Variants in ACTN4 observed in about 807,000 individuals in gnomAD.
ACTN4 encodes actinin alpha 4, also known as alpha-actinin-4.
In ACTN4, 18 loss-of-function variants were observed where a neutral mutation model predicts 114.2. The observed-to-expected ratio is 0.16, with a 90% CI of 0.11 to 0.23. The LOEUF (loss-of-function observed/expected upper bound fraction) is 0.23, where lower values mean the gene tolerates loss of function less well. Ranked by LOEUF, ACTN4 falls within the 10% of genes least tolerant of loss-of-function variation. The pLI, the probability that ACTN4 is intolerant of heterozygous loss-of-function variation, is 1.00. For missense variants in ACTN4, 722 were observed against 1,262.9 expected, an observed-to-expected ratio of 0.57 and a Z score of 6.49; for synonymous variants, 515 against 506.3, an observed-to-expected ratio of 1.02 and a Z score of -0.23.
At chr19:38,721,109 A>G (rs1969024558) in intron 11 of ACTN4, among the ~76,000 whole-genome samples, 1 of 152,210 alleles carries the variant, frequency 6.6e-6, no homozygotes, top group Non-Finnish European at 1.5e-5. Context: ...GGGTCCTAGA[A>G]GAAGCTGGCT....
chr19:38,722,703 C>G (rs560613067), intron 12 of ACTN4, among the ~76,000 whole-genome samples: 1 of 152,310 alleles, frequency 6.6e-6, no homozygotes, highest in South Asian at 2.1e-4. Context: ...GCAGCACCCT[C>G]GGGGGTGTGG....
At chr19:38,675,093 A>G (rs930174311) in intron 1 of ACTN4, among the ~76,000 whole-genome samples, 1 of 152,186 alleles carries the variant, frequency 6.6e-6, no homozygotes, top group Non-Finnish European at 1.5e-5. Context: ...GCTTGATCTC[A>G]AAGAACAGGT....
intron 9 of ACTN4, among the ~76,000 whole-genome samples, chr19:38,715,476 A>G (rs1413130280): frequency 1.3e-5 from 2 of 152,322 alleles, no homozygotes; most frequent in Admixed American, 6.5e-5. Context: ...TAGCCTAGCG[A>G]CAGAGCAAGA....
intron 19 of ACTN4, 58 bp downstream of exon 19, chr19:38,728,084 C>T (rs1969304919): frequency 6.6e-7 from 1 of 1,523,042 alleles, no homozygotes; most frequent in South Asian, 1.2e-5. Flanking sequence ...TCTCTCTCTC[C>T]TTCTCTCTTT....
At chr19:38,665,715 T>C (rs963610355) in intron 1 of ACTN4, among the ~76,000 whole-genome samples, 3 of 152,206 alleles carry the variant, frequency 2.0e-5, no homozygotes, top group African/African-American at 7.2e-5. Flanking sequence ...AGGTGGCTTC[T>C]TGTTTCAGAG....
intron 1 of ACTN4, among the ~76,000 whole-genome samples, chr19:38,699,862 C>T (rs1038903683): frequency 1.3e-5 from 2 of 152,164 alleles, no homozygotes; most frequent in Non-Finnish European, 2.9e-5. Context: ...GCGACACAGG[C>T]GTGTGTGCAG....
At chr19:38,694,351 C>T (rs1311599364) in intron 1 of ACTN4, among the ~76,000 whole-genome samples, 1 of 151,834 alleles carries the variant, frequency 6.6e-6, no homozygotes, top group African/African-American at 2.4e-5. Flanking sequence ...CCTCTACCTC[C>T]CAGGTTCAAG....
rs1257895675 is a variant in ACTN4 at position 38,729,677 on chromosome 19, A to ATGTGT, written c.*250_*254dup. 1 of 690,422 alleles carries ATGTGT rather than the reference A, an allele frequency of 1.4e-6. No individual in the cohort carries two copies. Among genetic ancestry groups the ATGTGT allele is most frequent in the Non-Finnish European group, 2.6e-6 (1 of 381,290 alleles). 42.8% of individuals were successfully genotyped at this position (690,422 alleles called of 1,614,324 possible). A position where few individuals can be genotyped will look rare whatever the true frequency, so the allele number is the denominator to read the frequency against. ...GCTTCTGGTCTGGTAAATATGTATGATGTGTTGTGCTTTTTTAACCAAGGA... is the reference window on the plus strand; with the variant it reads ...GCTTCTGGTCTGGTAAATATGTATGATGTGTTGTGTTGTGCTTTTTTAACCAAGGA... On this transcript the variant is annotated 3_prime_UTR_variant, in exon 21 of 21. Transcript: ENST00000252699.
chr19:38,686,965 C>CTT lies in ACTN4; in HGVS notation c.163-13620_163-13619dup, dbSNP rs34122839. On this transcript the variant is annotated intron_variant, in intron 1 of 20. Coordinates refer to ENST00000252699, the MANE Select transcript of ACTN4 (RefSeq NM_004924.6). ...TCTAACAAATCTGGTGGCAGAGTCT[C>CTT]TTTTTTTTTTTTTTTTGAGACAGAG... Among the ~76,000 whole-genome samples the CTT allele has an allele frequency of 9.1e-4, 126 of 138,102 alleles. 1 individual carries two copies. The highest frequency in any genetic ancestry group is 3.6e-3 in the Middle Eastern group (1 of 278). The allele number at this position is 138,102 out of a possible 152,430, so 90.6% of individuals were successfully genotyped here. A position where few individuals can be genotyped will look rare whatever the true frequency, so the allele number is the denominator to read the frequency against.
intron 1 of ACTN4, among the ~76,000 whole-genome samples, chr19:38,676,396 T>A (rs1273439516): frequency 6.6e-6 from 1 of 152,182 alleles, no homozygotes; most frequent in Non-Finnish European, 1.5e-5. Context: ...CTTTGTGGTT[T>A]AGGGGCTGAC....
At chr19:38,673,938 C>T (rs1382994341) in intron 1 of ACTN4, among the ~76,000 whole-genome samples, 2 of 150,334 alleles carry the variant, frequency 1.3e-5, no homozygotes, top group East Asian at 1.9e-4. Context: ...CCTGCCACCA[C>T]GTCCGGCTAA....
At chr19:38,648,015 G>T (rs369890154) in intron 1 of ACTN4, 108 bp downstream of exon 1, 3 of 1,285,888 alleles carry the variant, frequency 2.3e-6, no homozygotes, top group East Asian at 6.2e-5. Context: ...GGAACGGGGG[G>T]GTCCCGAGAA....
rs545955455 is a variant in ACTN4 at position 38,731,146 on chromosome 19, G to A, written c.*1714G>A. ...AGGTGGGCCACACAGGACACGAACC[G>A]CTCGAAGTCCACACGCAGACGGCTA... On this transcript the variant is annotated 3_prime_UTR_variant, in exon 21 of 21. Transcript: ENST00000252699. The A allele has an allele frequency of 1.4e-5, 22 of 1,612,936 alleles. No individual in the cohort carries two copies. Among genetic ancestry groups the A allele is most frequent in the Middle Eastern group, 1.7e-4 (1 of 6,048 alleles).
In ACTN4 at chr19:38,655,853, T is replaced by C. The variant is rs193206310; in HGVS notation, c.162+7946T>C. ...ACTATGCACATCCTCCTGAATACTTTAAATCATCTCTAGATTACTTATAAC... is the reference window on the plus strand; with the variant it reads ...ACTATGCACATCCTCCTGAATACTTCAAATCATCTCTAGATTACTTATAAC... On this transcript the variant is annotated intron_variant, in intron 1 of 20. Coordinates refer to ENST00000252699, the MANE Select transcript of ACTN4 (RefSeq NM_004924.6). Among the ~76,000 whole-genome samples, 235 of 152,358 alleles carry C rather than the reference T, an allele frequency of 1.5e-3. 1 individual carries two copies. The highest frequency in any genetic ancestry group is 5.6e-3 in the African/African-American group (231 of 41,588).
At chr19:38,687,472 C>T (rs969468504) in intron 1 of ACTN4, among the ~76,000 whole-genome samples, 1 of 152,150 alleles carries the variant, frequency 6.6e-6, no homozygotes, top group Admixed American at 6.5e-5. Context: ...CTCCCAGGTC[C>T]CATACATCTA....
At position 38,730,766 on chromosome 19, in the gene ACTN4, AG is replaced by A. The variant is rs1969522446; in HGVS notation, c.*1335del. The A allele has an allele frequency of 2.0e-6, 3 of 1,474,940 alleles. No individual in the cohort carries two copies. The African/African-American group carries it at 4.2e-5, about 21-fold the overall frequency. The allele number at this position is 1,474,940 out of a possible 1,614,324, so 91.4% of individuals were successfully genotyped here. On this transcript the variant is annotated 3_prime_UTR_variant, in exon 21 of 21. Transcript: ENST00000252699. ...CCCCAGACAGGTGGATGCCAGAGAGAGTGGCACCCATGCCAGGCAAGGCCTA... is the reference window on the plus strand; with the variant it reads ...CCCCAGACAGGTGGATGCCAGAGAGATGGCACCCATGCCAGGCAAGGCCTA...
chr19:38,656,064 G>T (rs1976702959), intron 1 of ACTN4, among the ~76,000 whole-genome samples: 1 of 152,066 alleles, frequency 6.6e-6, no homozygotes, highest in Non-Finnish European at 1.5e-5. Flanking sequence ...AAGAAATGTG[G>T]GTTTATCATT....
At chr19:38,678,645 G>T (rs541886414) in intron 1 of ACTN4, among the ~76,000 whole-genome samples, 2 of 152,304 alleles carry the variant, frequency 1.3e-5, no homozygotes, top group South Asian at 4.1e-4. Flanking sequence ...CGGGCCATGG[G>T]ACCCAGGGCG....
At chr19:38,714,748 G>T (rs898686861) in intron 9 of ACTN4, among the ~76,000 whole-genome samples, 187 bp downstream of exon 9, 1 of 152,242 alleles carries the variant, frequency 6.6e-6, no homozygotes, top group Non-Finnish European at 1.5e-5. Flanking sequence ...AAGGCTAAGG[G>T]TCAGACCGGC....
Sources: gnomAD v4.1 joint callset for allele counts (sites outside exome capture counted in the v4.1 genomes callset) on GRCh38, gnomAD v4.1.1 for gene constraint, MANE v1.5 for transcripts, NCBI Gene and HGNC (gene_info 2026-07-23, HGNC 2026-07-21) for gene names.